The following ABCA1 variants were observed in gnomAD, a reference collection of about 807,000 sequenced individuals.
ABCA1 encodes phospholipid-transporting ATPase ABCA1.
ABCA1 carries 133 observed loss-of-function variants against 262.5 expected under a neutral mutation model. That is an observed-to-expected ratio of 0.51 (90% confidence interval 0.44 to 0.59). The LOEUF (loss-of-function observed/expected upper bound fraction) is 0.59. Ranked by LOEUF, ABCA1 falls within the 20% of genes least tolerant of loss-of-function variation. The pLI is 0.00. For missense variants in ABCA1, 2,452 were observed against 2,777.5 expected, an observed-to-expected ratio of 0.88 and a Z score of 2.63; for synonymous variants, 1,022 against 1,043.5, an observed-to-expected ratio of 0.98 and a Z score of 0.40.
rs548928276 is a variant in ABCA1, at chr9:104,912,687, A to G, written c.-92-8916T>C. ...GCTGATTTCCACTAAGCAAACACCAAGCAACCTTCAAAGGAAGACTTCAGC... is the reference window on the plus strand; with the variant it reads ...GCTGATTTCCACTAAGCAAACACCAGGCAACCTTCAAAGGAAGACTTCAGC... On this transcript the variant is annotated intron_variant, in intron 1 of 49. Coordinates refer to ENST00000374736, the MANE Select transcript of ABCA1 (RefSeq NM_005502.4). 3.3e-5 allele frequency among the ~76,000 whole-genome samples: 5 copies of G among 152,300 alleles called. No individual in the cohort carries two copies. The South Asian group carries it at 6.2e-4, about 19-fold the overall frequency.
At position 104,831,642 on chromosome 9, in the gene ABCA1, C is replaced by T; in HGVS notation, c.1695G>A (p.Arg565=). ...CTTACCCATCCTTGATTTTATTTGTCCTCTCCACATTGTCAATGTCCATTC... is the reference window on the plus strand; with the variant it reads ...CTTACCCATCCTTGATTTTATTTGTTCTCTCCACATTGTCAATGTCCATTC... ...KIRMDIDNVE[R]TNKIKDGYWD... Residue 565 remains arginine, a synonymous_variant, in exon 13 of 50, where the codon AGG becomes AGA. Coordinates refer to ENST00000374736, the MANE Select transcript of ABCA1 (RefSeq NM_005502.4). 6.2e-7 allele frequency: 1 copy of T among 1,614,012 alleles called. No homozygotes were observed.
intron 32 of ABCA1, 140 bp from the exon 33 acceptor site, chr9:104,803,456 G>A (rs538502666): frequency 5.8e-6 from 5 of 868,140 alleles, no homozygotes; most frequent in East Asian, 5.0e-5. Context: ...TTGTAGGGTT[G>A]TGCTAGAGAA....
chr9:104,796,001 T>C (rs1829864422), intron 39 of ABCA1, 52 bp downstream of exon 39: 1 of 1,610,870 alleles, frequency 6.2e-7, no homozygotes, highest in Admixed American at 1.7e-5. Flanking sequence ...CACTGTCCTC[T>C]GGCTCCCAGA....
At chr9:104,816,015 T>C (rs1484198864) in intron 25 of ABCA1, 128 bp downstream of exon 25, 1 of 1,026,056 alleles carries the variant, frequency 9.7e-7, no homozygotes, top group African/African-American at 1.6e-5. Context: ...CCAACATTAA[T>C]CAGATGTCGA....
intron 17 of ABCA1, among the ~76,000 whole-genome samples, chr9:104,824,854 G>A (rs1486439644): frequency 6.6e-6 from 1 of 152,224 alleles, no homozygotes; most frequent in African/African-American, 2.4e-5. Context: ...AGGTCCCTCA[G>A]CCAGTAAGTT....
At position 104,825,997 on chromosome 9, in the gene ABCA1, T is replaced by C. The variant is rs1373515682; in HGVS notation, c.2338-110A>G. 4 of 1,087,090 alleles carry C rather than the reference T, an allele frequency of 3.7e-6. No homozygotes were observed. The Admixed American group carries it at 7.9e-5, about 21-fold the overall frequency. The allele number at this position is 1,087,090 out of a possible 1,614,324, so 67.3% of individuals were successfully genotyped here. A position where few individuals can be genotyped will look rare whatever the true frequency, so the allele number is the denominator to read the frequency against. On this transcript the variant is annotated intron_variant, in intron 16 of 49. Coordinates refer to ENST00000374736, the MANE Select transcript of ABCA1 (RefSeq NM_005502.4). Reference sequence around the variant, plus strand: ...AATTTGAATTTGCAAAATGGATCAATCATAAGGTGCAGAAGTAGTATTTAC... The same window carrying C: ...AATTTGAATTTGCAAAATGGATCAACCATAAGGTGCAGAAGTAGTATTTAC...
intron 18 of ABCA1, 50 bp from the exon 19 acceptor site, chr9:104,822,717 T>C (rs1220253655): frequency 5.6e-6 from 9 of 1,606,096 alleles, no homozygotes; most frequent in East Asian, 4.5e-5. Context: ...CACTGAGGAG[T>C]GGAGTGTAAG....
chr9:104,894,949 A>G (rs993241857), intron 2 of ABCA1, among the ~76,000 whole-genome samples: 2 of 152,214 alleles, frequency 1.3e-5, no homozygotes, highest in African/African-American at 4.8e-5. Context: ...TCTTTTCATA[A>G]TAGCCTCCCT....
At chr9:104,790,520 C>T (rs753872941) in intron 44 of ABCA1, among the ~76,000 whole-genome samples, 2 of 152,112 alleles carry the variant, frequency 1.3e-5, no homozygotes, top group Non-Finnish European at 2.9e-5. Flanking sequence ...ATTCTACATA[C>T]AGTATGATCT....
At chr9:104,812,755 A>C in intron 27 of ABCA1, 33 bp from the exon 28 acceptor site, 1 of 1,614,080 alleles carries the variant, frequency 6.2e-7, no homozygotes, top group African/African-American at 1.3e-5. Flanking sequence ...GTCACCTATT[A>C]TCTTAGGTGT....
At chr9:104,809,315 A>G (rs1831062978) in intron 30 of ABCA1, 151 bp downstream of exon 30, 1 of 815,302 alleles carries the variant, frequency 1.2e-6, no homozygotes, top group African/African-American at 1.7e-5. Context: ...TTCGGTTACT[A>G]CCTTCGCTTT....
chr9:104,854,632 A>G (rs931673191), intron 7 of ABCA1, among the ~76,000 whole-genome samples: 1 of 152,106 alleles, frequency 6.6e-6, no homozygotes, highest in Non-Finnish European at 1.5e-5. Flanking sequence ...GACCCAAGAG[A>G]AAGTTAAGAA....
At chr9:104,833,397 G>A (rs1255703918) in intron 11 of ABCA1, among the ~76,000 whole-genome samples, 3 of 152,210 alleles carry the variant, frequency 2.0e-5, no homozygotes, top group Admixed American at 1.3e-4. Flanking sequence ...GCCTGGGCTG[G>A]TCTTGAACAC....
chr9:104,818,524 A>G, intron 23 of ABCA1, 139 bp downstream of exon 23: 1 of 828,076 alleles, frequency 1.2e-6, no homozygotes, highest in Non-Finnish European at 2.0e-6. Flanking sequence ...TAAGTATGAT[A>G]TGATTTCAAA....
chr9:104,785,672 T>A, intron 48 of ABCA1, 33 bp from the exon 49 acceptor site: 1 of 1,612,702 alleles, frequency 6.2e-7, no homozygotes, highest in South Asian at 1.1e-5. Flanking sequence ...AAATGGAGGA[T>A]CTCCAGAAAA....
chr9:104,891,413 T>C lies in ABCA1; in HGVS notation c.67-2218A>G, dbSNP rs1166194633. ...CATCTCTACTAAAAATACAAAATTT[T>C]AGTGAAACGCTGTGTCTACTAAAAA... On this transcript the variant is annotated intron_variant, in intron 2 of 49. Transcript: ENST00000374736. Among the ~76,000 whole-genome samples the C allele has an allele frequency of 2.0e-5, 3 of 146,646 alleles. No individual in the cohort carries two copies. In the East Asian group the frequency reaches 6.3e-4, roughly 31 times the overall value.
At chr9:104,919,747 T>TA (rs767976686) in intron 1 of ABCA1, among the ~76,000 whole-genome samples, 2 of 152,190 alleles carry the variant, frequency 1.3e-5, no homozygotes, top group Non-Finnish European at 2.9e-5. Flanking sequence ...AACTGAAACT[T>TA]ATTGAATTAA....
chr9:104,899,051 C>G (rs1000333972), intron 2 of ABCA1, among the ~76,000 whole-genome samples: 31 of 152,146 alleles, frequency 2.0e-4, no homozygotes, highest in African/African-American at 7.0e-4. Context: ...CACTATATAC[C>G]CAGCTAACCA....
intron 3 of ABCA1, among the ~76,000 whole-genome samples, chr9:104,886,944 C>A (rs1839228859): frequency 6.6e-6 from 1 of 152,192 alleles, no homozygotes. Context: ...CCAACTAGGT[C>A]CCTGGAGGGT....
Sources: allele counts gnomAD v4.1 joint callset (sites outside exome capture counted in the v4.1 genomes callset), GRCh38; gene constraint gnomAD v4.1.1; transcripts MANE v1.5; gene names NCBI Gene and HGNC (gene_info 2026-07-23, HGNC 2026-07-21).